Variants in LARGE1 observed in about 807,000 individuals in gnomAD.
LARGE1 encodes xylosyl- and glucuronyltransferase LARGE1.
A neutral mutation model predicts 87.6 loss-of-function variants in LARGE1; 43 were observed. The observed-to-expected ratio is 0.49, with a 90% CI of 0.38 to 0.63. LARGE1 has a LOEUF of 0.63. LARGE1 is among the 30% of genes least tolerant of loss of function. The pLI, the probability that LARGE1 is intolerant of heterozygous loss-of-function variation, is 0.00. For missense variants in LARGE1, 802 were observed against 1,000.2 expected (o/e 0.80, Z 2.67); for synonymous variants, 434 against 394.6 (o/e 1.10, Z -1.18).
chr22:33,385,698 T>C (rs2065299901), intron 7 of LARGE1, among the ~76,000 whole-genome samples: 1 of 148,022 alleles, frequency 6.8e-6, no homozygotes, highest in Admixed American at 6.7e-5. Flanking sequence ...GAAAAAGCCC[T>C]GAGCACGGAA....
chr22:33,724,568 T>C lies in LARGE1; in HGVS notation c.106+36803A>G, dbSNP rs566187539. On this transcript the variant is annotated intron_variant, in intron 2 of 14. Transcript: ENST00000397394. Reference sequence around the variant, plus strand: ...ATAGAGAAGGGAAGAGTTGATATAATGTAGACCAAACTCCACCCAGCCATG... The same window carrying C: ...ATAGAGAAGGGAAGAGTTGATATAACGTAGACCAAACTCCACCCAGCCATG... Among the ~76,000 whole-genome samples, 78 of 152,292 alleles carry C rather than the reference T, an allele frequency of 5.1e-4. No individual in the cohort carries two copies. In the Middle Eastern group the frequency reaches 0.01, roughly 20 times the overall value.
chr22:33,618,706 C>T (rs1401873931), intron 4 of LARGE1, among the ~76,000 whole-genome samples: 1 of 152,216 alleles, frequency 6.6e-6, no homozygotes. Flanking sequence ...TTGATAGAGG[C>T]AAAAGGCAGA....
At chr22:33,257,364 C>T (rs1327179834) in intron 11 of LARGE1, among the ~76,000 whole-genome samples, 3 of 151,746 alleles carry the variant, frequency 2.0e-5, no homozygotes, top group Admixed American at 1.3e-4. Flanking sequence ...GAAATCCCAT[C>T]GCTACAAAAA....
chr22:33,761,933 T>C (rs1230752246), intron 1 of LARGE1, among the ~76,000 whole-genome samples: 1 of 152,016 alleles, frequency 6.6e-6, no homozygotes, highest in East Asian at 1.9e-4. Flanking sequence ...AAGACTAGAA[T>C]AGGCTGGGCG....
intron 4 of LARGE1, among the ~76,000 whole-genome samples, chr22:33,622,773 AG>A (rs1419672318): frequency 6.6e-6 from 1 of 152,216 alleles, no homozygotes; most frequent in Admixed American, 6.5e-5. Context: ...TGGAGTAGAC[AG>A]GGGCTCAGCA....
chr22:33,432,809 C>G (rs1423762361), intron 6 of LARGE1, among the ~76,000 whole-genome samples: 2 of 152,174 alleles, frequency 1.3e-5, no homozygotes, highest in Non-Finnish European at 2.9e-5. Flanking sequence ...CACTCTTTGT[C>G]CACCTTCTTA....
chr22:33,610,572 G>T (rs930992736), intron 4 of LARGE1, among the ~76,000 whole-genome samples: 2 of 152,106 alleles, frequency 1.3e-5, no homozygotes, highest in Admixed American at 1.3e-4. Flanking sequence ...AGGGAAGCAG[G>T]GTGTAAAAAT....
At chr22:33,128,680 CAAAAAA>C in the LARGE1 span, among the ~76,000 whole-genome samples, 1 of 110,318 alleles carries the variant, frequency 9.1e-6, no homozygotes, top group Admixed American at 9.4e-5. Flanking sequence ...GTCTCAAAAA[CAAAAAA>C]AAAAAAAAAA....
chr22:33,107,103 T>C, the LARGE1 span, among the ~76,000 whole-genome samples: 261 of 152,316 alleles, frequency 1.7e-3, 2 homozygotes, highest in African/African-American at 6.1e-3. Flanking sequence ...GACTAAATCA[T>C]TACTGAAGAG....
At chr22:33,473,957 T>C (rs1042200336) in intron 6 of LARGE1, among the ~76,000 whole-genome samples, 8 of 152,182 alleles carry the variant, frequency 5.3e-5, no homozygotes, top group African/African-American at 1.9e-4. Context: ...AGACATTTCA[T>C]ATTCTTATAT....
chr22:33,261,872 G>C (rs570168353), intron 11 of LARGE1, among the ~76,000 whole-genome samples: 7 of 152,318 alleles, frequency 4.6e-5, no homozygotes, highest in African/African-American at 1.7e-4. Context: ...TGTGATGTTT[G>C]CTCTCAGCTC....
chr22:33,399,187 C>T (rs1279414138), intron 7 of LARGE1, among the ~76,000 whole-genome samples: 1 of 151,690 alleles, frequency 6.6e-6, no homozygotes, highest in African/African-American at 2.4e-5. Context: ...CTCCCTGTGT[C>T]CATGTGTTCT....
intron 6 of LARGE1, among the ~76,000 whole-genome samples, chr22:33,463,370 TA>T (rs1284743739): frequency 6.6e-6 from 1 of 151,988 alleles, no homozygotes; most frequent in African/African-American, 2.4e-5. Flanking sequence ...CTTTACATCA[TA>T]AAAAAATTGA....
At chr22:33,240,481 A>G (rs1461918794) in intron 11 of LARGE1, among the ~76,000 whole-genome samples, 3 of 152,156 alleles carry the variant, frequency 2.0e-5, no homozygotes, top group Non-Finnish European at 4.4e-5. Context: ...CCAAAAATCA[A>G]TTGACCACAT....
At chr22:33,257,412 TACTTGGAAGGTAAA>T (rs1927357890) in intron 11 of LARGE1, among the ~76,000 whole-genome samples, 1 of 147,030 alleles carries the variant, frequency 6.8e-6, no homozygotes, top group African/African-American at 2.6e-5. Flanking sequence ...TAGTCCTAGC[TACTTGGAAGGTAAA>T]ACAAAAACAA....
At chr22:33,286,817 G>A (rs895279420) in intron 12 of LARGE1, among the ~76,000 whole-genome samples, 80 of 152,278 alleles carry the variant, frequency 5.3e-4, no homozygotes, top group Middle Eastern at 3.4e-3. Context: ...ATCATCAGTT[G>A]CTATAGGAGC....
chr22:33,288,030 TGCTACAAGGCCTG>T (rs1198708146), intron 12 of LARGE1, among the ~76,000 whole-genome samples: 1 of 152,146 alleles, frequency 6.6e-6, no homozygotes, highest in Admixed American at 6.5e-5. Context: ...TGGAAGGGCT[TGCTACAAGGCCTG>T]GCACACATTA....
chr22:33,768,268 C>T (rs115024680), intron 1 of LARGE1, among the ~76,000 whole-genome samples: 11 of 152,138 alleles, frequency 7.2e-5, no homozygotes, highest in East Asian at 3.9e-4. Context: ...GAGATTGTGC[C>T]GCCTGGGCGA....
At chr22:33,582,348 T>A (rs2078545143) in intron 5 of LARGE1, among the ~76,000 whole-genome samples, 1 of 151,952 alleles carries the variant, frequency 6.6e-6, no homozygotes, top group Non-Finnish European at 1.5e-5. Context: ...TTTGTCTAAG[T>A]TTTGACCTAA....
Sources: allele counts gnomAD v4.1 joint callset (sites outside exome capture counted in the v4.1 genomes callset), GRCh38; gene constraint gnomAD v4.1.1; transcripts MANE v1.5; gene names NCBI Gene and HGNC (gene_info 2026-07-23, HGNC 2026-07-21).